Variants in MYEOV observed in about 807,000 individuals in gnomAD.
The protein encoded by MYEOV is myeloma overexpressed.
MYEOV carries 4 observed loss-of-function variants against 4.5 expected under a neutral mutation model. That is an observed-to-expected ratio of 0.89 (90% CI 0.44 to 2.03). MYEOV has a LOEUF of 2.03. MYEOV is among the 30% of genes most tolerant of loss of function. The pLI is 0.03. For missense variants in MYEOV, 408 were observed against 412.8 expected (o/e 0.99, Z 0.10); for synonymous variants, 184 against 170.3 (o/e 1.08, Z -0.63).
chr11:69,296,366 CTCCTCA>C lies in MYEOV; in HGVS notation c.919_924del (p.Leu307_Ile308del), dbSNP rs781757696. ...CCTCCTCCACCACCTCCTCCTCCTCCTCCTCATCATCATCCTCACTTGTTGAGGACG... is the reference window on the plus strand; with the variant it reads ...CCTCCTCCACCACCTCCTCCTCCTCCTCATCATCCTCACTTGTTGAGGACG... On this transcript the variant is annotated inframe_deletion, in exon 3 of 3. Coordinates refer to ENST00000441339, the MANE Select transcript of MYEOV (RefSeq NM_001293291.2). 1 of 1,476,022 alleles carries C rather than the reference CTCCTCA, an allele frequency of 6.8e-7. No individual in the cohort carries two copies. Among genetic ancestry groups the C allele is most frequent in the Non-Finnish European group, 9.0e-7 (1 of 1,111,166 alleles). The allele number at this position is 1,476,022 out of a possible 1,614,324, so 91.4% of individuals were successfully genotyped here.
rs2134818093 is a variant in MYEOV, at chr11:69,295,684, C to A, written c.234C>A (p.Gly78=). The part of the protein sequence containing the change: ...VEGSKAGRSR[G]RLCLSQALRV... Reference sequence around the variant, plus strand: ...GCTCCAAAGCCGGCAGATCCCGGGGCCGCCTCTGTCTCTCCCAGGCCCTGC... The same window carrying A: ...GCTCCAAAGCCGGCAGATCCCGGGGACGCCTCTGTCTCTCCCAGGCCCTGC... The change falls in exon 3 of 3, where the codon GGC becomes GGA. Residue 78 remains glycine (G), a synonymous_variant. Transcript: ENST00000441339. This position sits in a 1 kb window ranked among gnomAD's most constrained non-coding sequence, Gnocchi z 4.1. 1 of 1,614,168 alleles carries A rather than the reference C, an allele frequency of 6.2e-7. No individual in the cohort carries two copies. The highest frequency in any genetic ancestry group is 8.5e-7 in the Non-Finnish European group (1 of 1,180,032).
Position 69,295,281 on chromosome 11 carries a change from C to T in MYEOV, c.-74C>T, listed in dbSNP as rs1023417083. On this transcript the variant is annotated 5_prime_UTR_variant, in exon 2 of 3. In the 5' UTR this introduces an upstream ATG that the reference lacks. Coordinates refer to ENST00000441339, the MANE Select transcript of MYEOV (RefSeq NM_001293291.2). This position sits in a 1 kb window ranked among gnomAD's most constrained non-coding sequence, Gnocchi z 4.1. ...TCATCTCAGACCCTAAATCCAGCCA[C>T]GTCATGCCACGCTTAACACCTCTAA... is the stretch of plus-strand genomic sequence containing the variant. 7.9e-6 allele frequency: 12 copies of T among 1,524,444 alleles called. No individual in the cohort carries two copies. In the East Asian group the frequency reaches 9.8e-5, roughly 12 times the overall value. The allele number at this position is 1,524,444 out of a possible 1,614,324, so 94.4% of individuals were successfully genotyped here.
Position 69,295,390 on chromosome 11 carries a change from T to C in MYEOV, c.36T>C (p.Ala12=), listed in dbSNP as rs1487040735. 1.2e-6 allele frequency: 2 copies of C among 1,613,144 alleles called. No homozygotes were observed. The highest frequency in any genetic ancestry group is 1.7e-6 in the Non-Finnish European group (2 of 1,179,524). ...ALRICVTYTP[A]LPIGLCTRCC... Reference sequence around the variant, plus strand: ...GAATCTGCGTCACATACACCCCAGCTCTCCCGATAGGTCTCTGCACTCGCT... The same window carrying C: ...GAATCTGCGTCACATACACCCCAGCCCTCCCGATAGGTCTCTGCACTCGCT... Residue 12 remains alanine, a synonymous_variant, in exon 2 of 3, where the codon GCT becomes GCC. Coordinates refer to ENST00000441339, the MANE Select transcript of MYEOV (RefSeq NM_001293291.2). This position sits in a 1 kb window ranked among gnomAD's most constrained non-coding sequence, Gnocchi z 4.1.
chr11:69,296,540 C>T lies in MYEOV; in HGVS notation c.*148C>T. 3.6e-6 allele frequency: 2 copies of T among 551,068 alleles called. 1 individual carries two copies. The highest frequency in any genetic ancestry group is 6.2e-5 in the South Asian group (2 of 32,500). The allele number at this position is 551,068 out of a possible 1,614,324, so 34.1% of individuals were successfully genotyped here. A position where few individuals can be genotyped will look rare whatever the true frequency, so the allele number is the denominator to read the frequency against. On this transcript the variant is annotated 3_prime_UTR_variant, in exon 3 of 3. Coordinates refer to ENST00000441339, the MANE Select transcript of MYEOV (RefSeq NM_001293291.2). The stretch of plus-strand genomic sequence containing the variant: ...AACAAGTTGCCTAAGTTCCAAGTTT[C>T]CTCTCCCAACTCTCCTACCCTCTCC...
chr11:69,294,799 G>A (rs888848168), intron 1 of MYEOV, among the ~76,000 whole-genome samples: 3 of 152,164 alleles, frequency 2.0e-5, no homozygotes, highest in Non-Finnish European at 1.5e-5. Context: ...AGCTGCCCAG[G>A]TCCCCTCTGG....
rs181508661 is a variant in MYEOV, at chr11:69,295,575, G to A, written c.142-17G>A. ...CCTGCTGATGTCTGATTTATTCATC[G>A]GTTTTCTTGTCTGTAGTCTGTCCCC... is the stretch of plus-strand genomic sequence containing the variant. On this transcript the variant is annotated splice_polypyrimidine_tract_variant and intron_variant, in intron 2 of 2. Transcript: ENST00000441339. The surrounding 1 kb of genome is among the most constrained non-coding windows in gnomAD (Gnocchi z 4.1). 63 of 1,611,620 alleles carry A rather than the reference G, an allele frequency of 3.9e-5. No homozygotes were observed. The highest frequency in any genetic ancestry group is 4.9e-5 in the Non-Finnish European group (58 of 1,178,628).
rs764629031 is a variant in MYEOV, at chr11:69,296,255, C to T, written c.805C>T (p.Leu269=). Residue 269 remains leucine, a synonymous_variant, in exon 3 of 3, where the codon CTG becomes TTG. Coordinates refer to ENST00000441339, the MANE Select transcript of MYEOV (RefSeq NM_001293291.2). ...SWLTVVTVEA[L]GGWRMGVRRT... is the part of the protein sequence containing the mutation. ...GCTGACTGTTGTGACTGTTGAGGCC[C>T]TGGGGGGGTGGCGCATGGGAGTTAG... The T allele has an allele frequency of 1.9e-6, 3 of 1,592,680 alleles. No homozygotes were observed. The highest frequency in any genetic ancestry group is 1.7e-6 in the Non-Finnish European group (2 of 1,167,270).
chr11:69,296,525 C>G lies in MYEOV; in HGVS notation c.*133C>G. On this transcript the variant is annotated 3_prime_UTR_variant, in exon 3 of 3. Coordinates refer to ENST00000441339, the MANE Select transcript of MYEOV (RefSeq NM_001293291.2). The stretch of plus-strand genomic sequence containing the variant: ...GGCCTAGAGAAGCTCAACAAGTTGC[C>G]TAAGTTCCAAGTTTCCTCTCCCAAC... 1.7e-6 allele frequency: 1 copy of G among 598,670 alleles called. No individual in the cohort carries two copies. Among genetic ancestry groups the G allele is most frequent in the South Asian group, 3.0e-5 (1 of 33,026 alleles). 37.1% of individuals were successfully genotyped at this position (598,670 alleles called of 1,614,324 possible).
rs115901574 is a variant in MYEOV, at chr11:69,294,820, C to T, written c.-123+244C>T. On this transcript the variant is annotated intron_variant, in intron 1 of 2. Coordinates refer to ENST00000441339, the MANE Select transcript of MYEOV (RefSeq NM_001293291.2). ...CCAGGTCCCCTCTGGTGGACACCTC[C>T]TACCCGGAGCCCCCCAAGGTGGTGC... Among the ~76,000 whole-genome samples the T allele has an allele frequency of 6.0e-3, 919 of 152,294 alleles. 7 individuals carry two copies. Among genetic ancestry groups the T allele is most frequent in the African/African-American group, 0.021 (878 of 41,564 alleles).
chr11:69,295,128 T>C lies in MYEOV; in HGVS notation c.-122-105T>C, dbSNP rs1040063388. 1.7e-5 allele frequency: 11 copies of C among 659,052 alleles called. No homozygotes were observed. Among genetic ancestry groups the C allele is most frequent in the South Asian group, 1.7e-4 (8 of 48,062 alleles). The allele number at this position is 659,052 out of a possible 1,614,324, so 40.8% of individuals were successfully genotyped here. Reference sequence around the variant, plus strand: ...AAACGTGAAGGGACCCTAGAGGCCATGGGGACCCAGGCACAGAGCGGCGGC... The same window carrying C: ...AAACGTGAAGGGACCCTAGAGGCCACGGGGACCCAGGCACAGAGCGGCGGC... On this transcript the variant is annotated intron_variant, in intron 1 of 2. Transcript: ENST00000441339. This position sits in a 1 kb window ranked among gnomAD's most constrained non-coding sequence, Gnocchi z 4.1.
chr11:69,295,202 T>TTAC lies in MYEOV; in HGVS notation c.-122-30_-122-28dup. On this transcript the variant is annotated intron_variant, in intron 1 of 2. Transcript: ENST00000441339. This position sits in a 1 kb window ranked among gnomAD's most constrained non-coding sequence, Gnocchi z 4.1. ...GAGGTCAGTGCCTTCCCGGGGTGGA[T>TTAC]TACGGATGGTAGTATCTTCCTTCTC... is the stretch of plus-strand genomic sequence containing the variant. 7.7e-7 allele frequency: 1 copy of TTAC among 1,291,546 alleles called. No homozygotes were observed. Among genetic ancestry groups the TTAC allele is most frequent in the Non-Finnish European group, 1.0e-6 (1 of 963,002 alleles). The allele number at this position is 1,291,546 out of a possible 1,614,324, so 80.0% of individuals were successfully genotyped here.
In MYEOV at chr11:69,296,051, G is replaced by A. The variant is rs1038833424; in HGVS notation, c.601G>A (p.Val201Met). 4 of 1,614,082 alleles carry A rather than the reference G, an allele frequency of 2.5e-6. No homozygotes were observed. In the African/African-American group the frequency reaches 4.0e-5, roughly 16 times the overall value. The change falls in exon 3 of 3, where the codon GTG (valine) becomes ATG (methionine). Residue 201 changes from valine to methionine, a missense_variant. Physicochemically the swap from Val to Met is conservative, Grantham distance 21. Transcript: ENST00000441339. ...GGAAATTATGTGGGCGCGAATGGAT[G>A]TGGCTCTGCGCTCACCTGGGCGAGG... ...SMEIMWARMD[V>M]ALRSPGRGLL... is the part of the protein sequence containing the mutation.
chr11:69,295,288 C>T lies in MYEOV; in HGVS notation c.-67C>T. The T allele has an allele frequency of 1.3e-6, 2 of 1,531,612 alleles. No homozygotes were observed. The highest frequency in any genetic ancestry group is 2.5e-5 in the East Asian group (1 of 40,772). 94.9% of individuals were successfully genotyped at this position (1,531,612 alleles called of 1,614,324 possible). ...AGACCCTAAATCCAGCCACGTCATG[C>T]CACGCTTAACACCTCTAACAACTTC... On this transcript the variant is annotated 5_prime_UTR_variant, in exon 2 of 3. Transcript: ENST00000441339. The surrounding 1 kb of genome is among the most constrained non-coding windows in gnomAD (Gnocchi z 4.1).
Position 69,295,540 on chromosome 11 carries a change from G to A in MYEOV, c.141+45G>A. ...CCCAGTAACCTCTTCTCTTGGGTGG[G>A]TGAATGCCACCTGCTGATGTCTGAT... is the stretch of plus-strand genomic sequence containing the variant. On this transcript the variant is annotated intron_variant, in intron 2 of 2. Coordinates refer to ENST00000441339, the MANE Select transcript of MYEOV (RefSeq NM_001293291.2). This position sits in a 1 kb window ranked among gnomAD's most constrained non-coding sequence, Gnocchi z 4.1. 1.2e-6 allele frequency: 2 copies of A among 1,613,112 alleles called. No individual in the cohort carries two copies. The highest frequency in any genetic ancestry group is 1.7e-6 in the Non-Finnish European group (2 of 1,179,388).
chr11:69,295,377 C>T lies in MYEOV; in HGVS notation c.23C>T (p.Thr8Ile), dbSNP rs549737296. ...CTCATGGCCCTCAGAATCTGCGTCA[C>T]ATACACCCCAGCTCTCCCGATAGGT... MALRICVTYTPALPIGLC... is the reference protein window; with the variant it reads MALRICVIYTPALPIGLC... The change falls in exon 2 of 3, where the codon ACA becomes ATA. Residue 8 changes from threonine (T) to isoleucine (I), a missense_variant. Thr to Ile is a moderately conservative substitution (Grantham distance 89, BLOSUM62 -1). Coordinates refer to ENST00000441339, the MANE Select transcript of MYEOV (RefSeq NM_001293291.2). The surrounding 1 kb of genome is among the most constrained non-coding windows in gnomAD (Gnocchi z 4.1). The T allele has an allele frequency of 5.2e-4, 839 of 1,611,212 alleles. 15 individuals are homozygous for T. The South Asian group carries it at 8.2e-3, about 16-fold the overall frequency.
rs1179936586 is a variant in MYEOV at position 69,295,509 on chromosome 11, C to A, written c.141+14C>A. The A allele has an allele frequency of 1.2e-6, 2 of 1,613,932 alleles. No individual in the cohort carries two copies. The highest frequency in any genetic ancestry group is 4.5e-5 in the East Asian group (2 of 44,882). ...CACCTCCACCAGGTGCCGACACTTC[C>A]CTGACCCCAGTAACCTCTTCTCTTG... On this transcript the variant is annotated intron_variant, in intron 2 of 2. Transcript: ENST00000441339. This position sits in a 1 kb window ranked among gnomAD's most constrained non-coding sequence, Gnocchi z 4.1.
chr11:69,295,214 G>A lies in MYEOV; in HGVS notation c.-122-19G>A, dbSNP rs1855147443. 2.2e-6 allele frequency: 3 copies of A among 1,349,264 alleles called. No individual in the cohort carries two copies. Among genetic ancestry groups the A allele is most frequent in the Middle Eastern group, 2.6e-4 (1 of 3,868 alleles). The allele number at this position is 1,349,264 out of a possible 1,614,324, so 83.6% of individuals were successfully genotyped here. On this transcript the variant is annotated intron_variant, in intron 1 of 2. Transcript: ENST00000441339. This position sits in a 1 kb window ranked among gnomAD's most constrained non-coding sequence, Gnocchi z 4.1. ...TTCCCGGGGTGGATTACGGATGGTA[G>A]TATCTTCCTTCTCCTCAGAGTCCAT... is the stretch of plus-strand genomic sequence containing the variant.
rs769942704 is a variant in MYEOV, at chr11:69,295,790, G to C, written c.340G>C (p.Gly114Arg). 41 of 1,614,174 alleles carry C rather than the reference G, an allele frequency of 2.5e-5. 1 individual carries two copies. The highest frequency in any genetic ancestry group is 2.2e-4 in the South Asian group (20 of 91,074). The stretch of plus-strand genomic sequence containing the variant: ...CCGGGAGAGAAACAAGGGAGACAAG[G>C]GTGCCCAGACAGGTGCGGGGCTCAG... ...GDRERNKGDKGAQTGAGLSQE... is the reference protein window; with the variant it reads ...GDRERNKGDKRAQTGAGLSQE... The change falls in exon 3 of 3, where the codon GGT (glycine) becomes CGT (arginine). Residue 114 changes from glycine to arginine, a missense_variant. Coordinates refer to ENST00000441339, the MANE Select transcript of MYEOV (RefSeq NM_001293291.2). The surrounding 1 kb of genome is among the most constrained non-coding windows in gnomAD (Gnocchi z 4.1).
Position 69,295,967 on chromosome 11 carries a change from G to T in MYEOV, c.517G>T (p.Val173Phe). The part of the protein sequence containing the change: ...AHLGEAFRVG[V>F]EQAISSCPEE... ...CCTGGGAGAAGCCTTTAGAGTGGGC[G>T]TTGAGCAGGCCATTAGCTCGTGCCC... The change falls in exon 3 of 3, where the codon GTT (valine) becomes TTT (phenylalanine). Residue 173 changes from valine to phenylalanine, a missense_variant. By Grantham distance (50) the Val-to-Phe change is conservative. Transcript: ENST00000441339. The surrounding 1 kb of genome is among the most constrained non-coding windows in gnomAD (Gnocchi z 4.1). 1 of 1,614,178 alleles carries T rather than the reference G, an allele frequency of 6.2e-7. No homozygotes were observed. The highest frequency in any genetic ancestry group is 1.6e-4 in the Middle Eastern group (1 of 6,062).
Sources: gnomAD v4.1 joint callset for allele counts (sites outside exome capture counted in the v4.1 genomes callset) on GRCh38, gnomAD v4.1.1 for gene constraint, Gnocchi (gnomAD v3.1) non-coding constraint, MANE v1.5 for transcripts, NCBI Gene and HGNC (gene_info 2026-07-23, HGNC 2026-07-21) for gene names.